The following TDRD6 variants were observed in gnomAD, a reference collection of about 807,000 sequenced individuals.
The protein encoded by TDRD6 is tudor domain-containing protein 6.
In TDRD6, 186 loss-of-function variants were observed where a neutral mutation model predicts 157.5. That is an observed-to-expected ratio of 1.18 (90% CI 1.05 to 1.33). TDRD6 has a LOEUF of 1.33. Among genes scored for constraint, TDRD6 ranks in the 40% most tolerant of loss-of-function variants. The probability of loss-of-function intolerance (pLI) is 0.00; values close to 1 mark genes in which losing one functional copy is unlikely to be tolerated. For synonymous variants in TDRD6, 1,075 were observed against 945.2 expected, an observed-to-expected ratio of 1.14 and a Z score of -2.52; for missense variants, 3,066 against 2,508.0, an observed-to-expected ratio of 1.22 and a Z score of -4.75.
chr6:46,694,300 T>C lies in TDRD6; in HGVS notation c.6046+126T>C, dbSNP rs111279542. On this transcript the variant is annotated intron_variant, in intron 1 of 3. Transcript: ENST00000316081. Reference sequence around the variant, plus strand: ...TCACTGCAGCCTCTGCCTCCCAGGCTCTAGTGATTTTCCCACCTCAGCCTC... The same window carrying C: ...TCACTGCAGCCTCTGCCTCCCAGGCCCTAGTGATTTTCCCACCTCAGCCTC... 856 of 632,620 alleles carry C rather than the reference T, an allele frequency of 1.4e-3. 6 individuals carry two copies. The highest frequency in any genetic ancestry group is 0.013 in the African/African-American group (713 of 53,064). The allele number at this position is 632,620 out of a possible 1,614,324, so 39.2% of individuals were successfully genotyped here. A position where few individuals can be genotyped will look rare whatever the true frequency, so the allele number is the denominator to read the frequency against.
rs781295730 is a variant in TDRD6 at position 46,691,383 on chromosome 6, A to T, written c.3255A>T (p.Ala1085=). 2 of 1,614,058 alleles carry T rather than the reference A, an allele frequency of 1.2e-6. No individual in the cohort carries two copies. Among genetic ancestry groups the T allele is most frequent in the South Asian group, 2.2e-5 (2 of 91,064 alleles). ...SDDLLPIPSD[A]YDVLLLPMQA... is the part of the protein sequence containing the mutation. Reference sequence around the variant, plus strand: ...ATCTGCTTCCAATACCTAGTGATGCATATGATGTCTTACTTTTGCCCATGC... The same window carrying T: ...ATCTGCTTCCAATACCTAGTGATGCTTATGATGTCTTACTTTTGCCCATGC... Residue 1085 remains alanine (A), a synonymous_variant, in exon 1 of 4, where the codon GCA becomes GCT. Transcript: ENST00000316081.
rs1246351116 is a variant in TDRD6 at position 46,689,364 on chromosome 6, T to G, written c.1236T>G (p.Tyr412Ter). The G allele has an allele frequency of 2.5e-6, 4 of 1,614,106 alleles. No homozygotes were observed. Among genetic ancestry groups the G allele is most frequent in the East Asian group, 4.5e-5 (2 of 44,870 alleles). Reference protein sequence around the residue: ...GKAVNAKIEFYCSFEHVYYVS... With the variant: ...GKAVNAKIEF ...CAGTGAATGCAAAGATTGAATTTTA[T>G]TGCTCCTTTGAGCATGTGTATTATG... The change falls in exon 1 of 4, where the codon TAT becomes TAG. Residue 412 changes from tyrosine (Y) to a stop codon, truncating the protein, a stop_gained. Transcript: ENST00000316081. LOFTEE classifies it high-confidence loss of function.
Position 46,689,672 on chromosome 6 carries a change from A to C in TDRD6, c.1544A>C (p.Lys515Thr). The C allele has an allele frequency of 3.7e-6, 6 of 1,614,204 alleles. No homozygotes were observed. The highest frequency in any genetic ancestry group is 5.1e-6 in the Non-Finnish European group (6 of 1,180,022). The change falls in exon 1 of 4, where the codon AAG becomes ACG. Residue 515 changes from lysine (K) to threonine (T), a missense_variant. Coordinates refer to ENST00000316081, the MANE Select transcript of TDRD6 (RefSeq NM_001010870.3). ...AGGAAACACAATGTCACCTTCAGTA[A>C]GCTGATGAGGAGAATGTGTGGTTTC... ...RLRKHNVTFS[K>T]LMRRMCGFYS...
Position 46,691,221 on chromosome 6 carries a change from A to T in TDRD6, c.3093A>T (p.Thr1031=). 1 of 1,613,706 alleles carries T rather than the reference A, an allele frequency of 6.2e-7. No homozygotes were observed. The highest frequency in any genetic ancestry group is 8.5e-7 in the Non-Finnish European group (1 of 1,179,840). ...GTAAAGTTTTGCTGAATTTAAAAAC[A>T]TCTCCCTTGAACCCTGGAACCTTGT... The part of the protein sequence containing the change: ...QLSKVLLNLK[T]SPLNPGTLCL... Residue 1031 remains threonine (T), a synonymous_variant, in exon 1 of 4, where the codon ACA becomes ACT. Coordinates refer to ENST00000316081, the MANE Select transcript of TDRD6 (RefSeq NM_001010870.3).
rs1191583793 is a variant in TDRD6 at position 46,692,872 on chromosome 6, G to A, written c.4744G>A (p.Gly1582Arg). The A allele has an allele frequency of 6.2e-7, 1 of 1,613,936 alleles. No homozygotes were observed. Among genetic ancestry groups the A allele is most frequent in the Non-Finnish European group, 8.5e-7 (1 of 1,179,994 alleles). Residue 1582 changes from glycine (G) to arginine (R), a missense_variant, in exon 1 of 4, where the codon GGA (glycine) becomes AGA (arginine). Gly to Arg is a moderately radical substitution (Grantham distance 125). Coordinates refer to ENST00000316081, the MANE Select transcript of TDRD6 (RefSeq NM_001010870.3). Reference protein sequence around the residue: ...DPCIVRYREDGHYYRALITNI... With the variant: ...DPCIVRYREDRHYYRALITNI... The stretch of plus-strand genomic sequence containing the variant: ...TTGTATAGTAAGATACAGAGAAGAT[G>A]GACATTATTATAGGGCACTTATCAC...
At chr6:46,694,736 A>T (rs1196545819) in intron 1 of TDRD6, among the ~76,000 whole-genome samples, 1 of 152,162 alleles carries the variant, frequency 6.6e-6, no homozygotes. Context: ...TAGTCTCCAA[A>T]AGGTAATCAC....
In TDRD6 at chr6:46,693,208, A is replaced by G; in HGVS notation, c.5080A>G (p.Lys1694Glu). ...LKSKGKSINEKMEKYSKTGIK... is the reference protein window; with the variant it reads ...LKSKGKSINEEMEKYSKTGIK... ...AAGCAAAGGTAAAAGTATTAATGAG[A>G]AAATGGAGAAATATTCTAAGACTGG... Residue 1694 changes from lysine to glutamate, a missense_variant, in exon 1 of 4, where the codon AAA (lysine) becomes GAA (glutamate). Lys to Glu is a moderately conservative substitution (Grantham distance 56, BLOSUM62 1). Coordinates refer to ENST00000316081, the MANE Select transcript of TDRD6 (RefSeq NM_001010870.3). The G allele has an allele frequency of 1.2e-6, 2 of 1,610,622 alleles. No individual in the cohort carries two copies. The highest frequency in any genetic ancestry group is 1.7e-6 in the Non-Finnish European group (2 of 1,179,060).
chr6:46,692,476 G>T lies in TDRD6; in HGVS notation c.4348G>T (p.Glu1450Ter). ...QRTSEAAIRC[E>*]FVKFQDRWEV... ...GACCAGCGAGGCTGCAATAAGATGT[G>T]AATTTGTTAAATTTCAAGACAGATG... The change falls in exon 1 of 4, where the codon GAA becomes TAA. Residue 1450 changes from glutamate to a stop codon, truncating the protein, a stop_gained. Transcript: ENST00000316081. LOFTEE classifies it high-confidence loss of function. 6.2e-7 allele frequency: 1 copy of T among 1,613,862 alleles called. No homozygotes were observed. The highest frequency in any genetic ancestry group is 8.5e-7 in the Non-Finnish European group (1 of 1,180,010).
At chr6:46,694,195 T>G in intron 1 of TDRD6, 21 bp downstream of exon 1, 7 of 1,469,580 alleles carry the variant, frequency 4.8e-6, no homozygotes, top group Non-Finnish European at 6.3e-6. Context: ...TTTTTTTCCT[T>G]TTTACTTTTT....
upstream of TDRD6, among the ~76,000 whole-genome samples, chr6:46,685,337 A>G (rs1764065172): frequency 6.6e-6 from 1 of 152,222 alleles, no homozygotes; most frequent in African/African-American, 2.4e-5. Context: ...AAAGTCAATT[A>G]GTAGTATAGA....
At chr6:46,700,151 A>G (rs1052725289) in intron 3 of TDRD6, among the ~76,000 whole-genome samples, 93 of 152,236 alleles carry the variant, frequency 6.1e-4, no homozygotes, top group African/African-American at 2.2e-3. Flanking sequence ...TGTACATACA[A>G]GATTCAGTTT....
chr6:46,694,680 C>A (rs1764448331), intron 1 of TDRD6, among the ~76,000 whole-genome samples: 1 of 152,132 alleles, frequency 6.6e-6, no homozygotes, highest in Admixed American at 6.5e-5. Context: ...GGAAGAAACA[C>A]TGAAATATTA....
chr6:46,688,993 G>T lies in TDRD6; in HGVS notation c.865G>T (p.Gly289Cys). Residue 289 changes from glycine to cysteine, a missense_variant, in exon 1 of 4, where the codon GGT (glycine) becomes TGT (cysteine). By Grantham distance (159) the Gly-to-Cys change is radical (BLOSUM62 -3). Transcript: ENST00000316081. ...LSESMAQVYRGSTGTGDENST... is the reference protein window; with the variant it reads ...LSESMAQVYRCSTGTGDENST... Reference sequence around the variant, plus strand: ...CGAGAGCATGGCCCAGGTATACCGGGGTTCCACGGGGACAGGGGATGAGAA... The same window carrying T: ...CGAGAGCATGGCCCAGGTATACCGGTGTTCCACGGGGACAGGGGATGAGAA... 1 of 1,613,804 alleles carries T rather than the reference G, an allele frequency of 6.2e-7. No homozygotes were observed. The highest frequency in any genetic ancestry group is 8.5e-7 in the Non-Finnish European group (1 of 1,179,806).
Position 46,692,542 on chromosome 6 carries a change from G to T in TDRD6, c.4414G>T (p.Asp1472Tyr), listed in dbSNP as rs1764363962. The part of the protein sequence containing the change: ...LADEHGIIAD[D>Y]MISRYALSEK... ...TGATGAACATGGGATCATAGCAGAT[G>T]ATATGATTAGCAGGTATGCTCTCAG... The change falls in exon 1 of 4, where the codon GAT becomes TAT. Residue 1472 changes from aspartate (D) to tyrosine (Y), a missense_variant. By Grantham distance (160) the Asp-to-Tyr change is radical (BLOSUM62 -3). Transcript: ENST00000316081. The T allele has an allele frequency of 1.2e-6, 2 of 1,613,826 alleles. No individual in the cohort carries two copies. The highest frequency in any genetic ancestry group is 2.2e-5 in the South Asian group (2 of 91,078).
At chr6:46,696,880 G>C (rs1343760980) in intron 2 of TDRD6, among the ~76,000 whole-genome samples, 2 of 151,450 alleles carry the variant, frequency 1.3e-5, no homozygotes, top group East Asian at 3.9e-4. Context: ...CAAAGTGCTG[G>C]GATTACAGGC....
chr6:46,688,651 C>CTGCTCCATCGCCT lies in TDRD6; in HGVS notation c.524_536dup (p.Val180AlafsTer11), dbSNP rs1298540369. ...GCACGGGTGCGTCCTGGACGTGCTG[C>CTGCTCCATCGCCT]TGCTCCATCGCCTGGTCCTCCTGGA... On this transcript the variant is annotated frameshift_variant, in exon 1 of 4. Coordinates refer to ENST00000316081, the MANE Select transcript of TDRD6 (RefSeq NM_001010870.3). LOFTEE classifies it high-confidence loss of function. The CTGCTCCATCGCCT allele has an allele frequency of 6.3e-7, 1 of 1,599,416 alleles. No homozygotes were observed. Among genetic ancestry groups the CTGCTCCATCGCCT allele is most frequent in the East Asian group, 2.2e-5 (1 of 44,848 alleles).
At chr6:46,701,721 C>T (rs1764629254) in intron 3 of TDRD6, 137 bp from the exon 4 acceptor site, 2 of 698,626 alleles carry the variant, frequency 2.9e-6, no homozygotes, top group South Asian at 2.2e-5. Context: ...AAATAATGCC[C>T]TATAGTAATT....
rs753950528 is a variant in TDRD6, at chr6:46,691,572, T to C, written c.3444T>C (p.Ile1148=). 2 of 1,613,442 alleles carry C rather than the reference T, an allele frequency of 1.2e-6. No homozygotes were observed. The highest frequency in any genetic ancestry group is 4.5e-5 in the East Asian group (2 of 44,834). Residue 1148 remains isoleucine (I), a synonymous_variant, in exon 1 of 4, where the codon ATT becomes ATC. Coordinates refer to ENST00000316081, the MANE Select transcript of TDRD6 (RefSeq NM_001010870.3). ...IIELYGDNIQ[I]SASINKKLGL... ...AACTATATGGTGACAATATTCAAATTAGTGCTAGTATTAATAAGAAGTTGG... is the reference window on the plus strand; with the variant it reads ...AACTATATGGTGACAATATTCAAATCAGTGCTAGTATTAATAAGAAGTTGG...
intron 1 of TDRD6, among the ~76,000 whole-genome samples, chr6:46,694,974 T>C (rs974089676): frequency 6.6e-6 from 1 of 152,204 alleles, no homozygotes; most frequent in African/African-American, 2.4e-5. Flanking sequence ...AATCAAAAAC[T>C]GTTTCATGTG....
Sources: gnomAD v4.1 joint callset for allele counts (sites outside exome capture counted in the v4.1 genomes callset) on GRCh38, gnomAD v4.1.1 for gene constraint, MANE v1.5 for transcripts, NCBI Gene and HGNC (gene_info 2026-07-23, HGNC 2026-07-21) for gene names.